PPP3CC: variants seen among roughly 807,000 people sequenced by gnomAD.
The protein encoded by PPP3CC is protein phosphatase 3 catalytic subunit gamma, also known as serine/threonine-protein phosphatase 2B catalytic subunit gamma isoform.
In PPP3CC, 35 loss-of-function variants were observed where a neutral mutation model predicts 60.3. The observed-to-expected ratio is 0.58, with a 90% CI of 0.44 to 0.77. The LOEUF (loss-of-function observed/expected upper bound fraction) is 0.77. PPP3CC is among the 30% of genes least tolerant of loss of function. PPP3CC has a pLI of 0.00. For synonymous variants in PPP3CC, 206 were observed against 224.3 expected (o/e 0.92, Z 0.73); for missense variants, 570 against 628.9 (o/e 0.91, Z 1.00).
rs780373923 is a variant in PPP3CC at position 22,474,942 on chromosome 8, A to AT, written c.50-5dup. 15 of 1,447,480 alleles carry AT rather than the reference A, an allele frequency of 1.0e-5. No homozygotes were observed. Among genetic ancestry groups the AT allele is most frequent in the Admixed American group, 2.2e-5 (1 of 46,042 alleles). The allele number at this position is 1,447,480 out of a possible 1,614,324, so 89.7% of individuals were successfully genotyped here. A position where few individuals can be genotyped will look rare whatever the true frequency, so the allele number is the denominator to read the frequency against. ...TTAAATATTTTAAATTATTATTATTATTTTTTTGTAGCTGTCCCCTTTCCT... is the reference window on the plus strand; with the variant it reads ...TTAAATATTTTAAATTATTATTATTATTTTTTTTGTAGCTGTCCCCTTTCCT... On this transcript the variant is annotated splice_polypyrimidine_tract_variant and intron_variant, in intron 1 of 13. Coordinates refer to ENST00000240139, the MANE Select transcript of PPP3CC (RefSeq NM_005605.5).
At chr8:22,486,397 A>T (rs1297291994) in intron 3 of PPP3CC, among the ~76,000 whole-genome samples, 2 of 152,204 alleles carry the variant, frequency 1.3e-5, no homozygotes, top group African/African-American at 4.8e-5. Flanking sequence ...GTCTAGGGGT[A>T]AACACTGGAT....
At chr8:22,463,576 A>G (rs1165766026) in intron 1 of PPP3CC, among the ~76,000 whole-genome samples, 2 of 152,166 alleles carry the variant, frequency 1.3e-5, no homozygotes, top group Non-Finnish European at 2.9e-5. Flanking sequence ...CTATTGCAGA[A>G]AGTACATAAT....
chr8:22,442,794 T>G (rs1330847633), intron 1 of PPP3CC, among the ~76,000 whole-genome samples: 1 of 152,212 alleles, frequency 6.6e-6, no homozygotes, highest in Non-Finnish European at 1.5e-5. Flanking sequence ...TCAAGGTCAT[T>G]ATGTACATTA....
chr8:22,501,343 A>G (rs1464896852), intron 4 of PPP3CC, among the ~76,000 whole-genome samples: 1 of 152,258 alleles, frequency 6.6e-6, no homozygotes, highest in African/African-American at 2.4e-5. Flanking sequence ...GCTAAAAAGA[A>G]CACATTTATT....
intron 1 of PPP3CC, among the ~76,000 whole-genome samples, chr8:22,458,111 A>C (rs1401097544): frequency 1.3e-5 from 2 of 151,798 alleles, no homozygotes; most frequent in African/African-American, 4.8e-5. Context: ...CAAAAAAAAC[A>C]AAAAAAACAC....
At chr8:22,480,467 A>G (rs925028779) in intron 3 of PPP3CC, among the ~76,000 whole-genome samples, 3 of 152,134 alleles carry the variant, frequency 2.0e-5, no homozygotes, top group African/African-American at 7.2e-5. Flanking sequence ...GGAAAATCCC[A>G]AAGTTAATTT....
At chr8:22,517,188 C>T (rs1307630037) in intron 6 of PPP3CC, among the ~76,000 whole-genome samples, 2 of 152,222 alleles carry the variant, frequency 1.3e-5, no homozygotes, top group Non-Finnish European at 2.9e-5. Context: ...CAAAGTGATA[C>T]TCTGCCTTCT....
At chr8:22,522,161 A>G (rs964575436) in intron 6 of PPP3CC, among the ~76,000 whole-genome samples, 2 of 147,112 alleles carry the variant, frequency 1.4e-5, no homozygotes. Flanking sequence ...ACACACACAC[A>G]CTACTGTTGT....
intron 12 of PPP3CC, among the ~76,000 whole-genome samples, chr8:22,534,059 C>T (rs1025026239): frequency 6.6e-6 from 1 of 151,680 alleles, no homozygotes; most frequent in African/African-American, 2.4e-5. Context: ...ATTAGCTGAG[C>T]ATGGTGGCAT....
At chr8:22,500,749 T>C (rs1205925506) in intron 4 of PPP3CC, among the ~76,000 whole-genome samples, 3 of 152,212 alleles carry the variant, frequency 2.0e-5, no homozygotes, top group Non-Finnish European at 4.4e-5. Context: ...AAAAGTCAGC[T>C]GCAAGAGGGC....
intron 1 of PPP3CC, among the ~76,000 whole-genome samples, chr8:22,464,554 G>GT (rs1165734750): frequency 1.3e-5 from 2 of 151,900 alleles, no homozygotes; most frequent in East Asian, 1.9e-4. Context: ...TAATTTTTGT[G>GT]TTTTTTTGGT....
chr8:22,514,841 G>A lies in PPP3CC; in HGVS notation c.770+1409G>A, dbSNP rs1214519740. Reference sequence around the variant, plus strand: ...ATTACAGGCACCTACCACCATGCCTGGCTAATTTTTGTGTTTTTTAGAGAT... The same window carrying A: ...ATTACAGGCACCTACCACCATGCCTAGCTAATTTTTGTGTTTTTTAGAGAT... On this transcript the variant is annotated intron_variant, in intron 6 of 13. Transcript: ENST00000240139. Among the ~76,000 whole-genome samples, 3 of 151,704 alleles carry A rather than the reference G, an allele frequency of 2.0e-5. No individual in the cohort carries two copies. In the East Asian group the frequency reaches 5.8e-4, roughly 29 times the overall value.
intron 3 of PPP3CC, chr8:22,492,535 C>A: frequency 2.8e-6 from 1 of 360,130 alleles, no homozygotes; most frequent in Non-Finnish European, 5.1e-6. Flanking sequence ...GTGTGTGCAC[C>A]TAATCTCAGC....
chr8:22,525,119 C>G (rs1287825460), intron 8 of PPP3CC, among the ~76,000 whole-genome samples: 3 of 151,462 alleles, frequency 2.0e-5, no homozygotes, highest in Non-Finnish European at 2.9e-5. Flanking sequence ...CCACTGCATT[C>G]CAGCCAGGCA....
chr8:22,532,282 T>C lies in PPP3CC; in HGVS notation c.1199T>C (p.Met400Thr), dbSNP rs1563790727. 3 of 1,613,200 alleles carry C rather than the reference T, an allele frequency of 1.9e-6. No individual in the cohort carries two copies. Among genetic ancestry groups the C allele is most frequent in the Non-Finnish European group, 2.5e-6 (3 of 1,179,122 alleles). ...IRNKIRAIGK[M>T]ARVFSILRQE... ...AATAAGATCAGAGCCATTGGGAAGA[T>C]GGCACGGGTCTTTTCAATTCTTCGG... The change falls in exon 11 of 14, where the codon ATG (methionine) becomes ACG (threonine). Residue 400 changes from methionine to threonine, a missense_variant. By Grantham distance (81) the Met-to-Thr change is moderately conservative. Transcript: ENST00000240139.
chr8:22,502,428 A>T (rs1352730481), intron 4 of PPP3CC, among the ~76,000 whole-genome samples: 1 of 152,208 alleles, frequency 6.6e-6, no homozygotes, highest in African/African-American at 2.4e-5. Context: ...GCTCATGCTC[A>T]TAATCCTACA....
At chr8:22,505,310 C>T (rs1449439918) in intron 4 of PPP3CC, among the ~76,000 whole-genome samples, 1 of 152,186 alleles carries the variant, frequency 6.6e-6, no homozygotes, top group Non-Finnish European at 1.5e-5. Flanking sequence ...CAGGCGTGAG[C>T]CACCATGCCC....
Position 22,498,045 on chromosome 8 carries a change from A to G in PPP3CC, c.417A>G (p.Thr139=), listed in dbSNP as rs774053412. Residue 139 remains threonine (T), a synonymous_variant, in exon 4 of 14, where the codon ACA becomes ACG. Coordinates refer to ENST00000240139, the MANE Select transcript of PPP3CC (RefSeq NM_005605.5). Reference sequence around the variant, plus strand: ...GTTTAAAGATTAATCATCCCAAAACATTGTTTCTGCTTCGGGGAAATCATG... The same window carrying G: ...GTTTAAAGATTAATCATCCCAAAACGTTGTTTCTGCTTCGGGGAAATCATG... The part of the protein sequence containing the change: ...LWSLKINHPK[T]LFLLRGNHEC... 10 of 1,613,456 alleles carry G rather than the reference A, an allele frequency of 6.2e-6. No individual in the cohort carries two copies. Among genetic ancestry groups the G allele is most frequent in the Non-Finnish European group, 8.5e-6 (10 of 1,179,616 alleles).
chr8:22,509,961 G>A (rs139772764), intron 4 of PPP3CC, among the ~76,000 whole-genome samples: 2,777 of 152,200 alleles, frequency 0.018, 99 homozygotes, highest in African/African-American at 0.063. Flanking sequence ...CAAGGCAGGC[G>A]GATTGCGGGG....
Sources: allele counts gnomAD v4.1 joint callset (sites outside exome capture counted in the v4.1 genomes callset), GRCh38; gene constraint gnomAD v4.1.1; transcripts MANE v1.5; gene names NCBI Gene and HGNC (gene_info 2026-07-23, HGNC 2026-07-21).